KCNIP1: variants seen among roughly 807,000 people sequenced by gnomAD.
The protein encoded by KCNIP1 is A-type potassium channel modulatory protein KCNIP1.
A neutral mutation model predicts 33.0 loss-of-function variants in KCNIP1; 18 were observed. The ratio of observed to expected loss-of-function variants is 0.55; its 90% CI spans 0.38 to 0.81. The LOEUF (loss-of-function observed/expected upper bound fraction) is 0.81. Ranked by LOEUF, KCNIP1 falls within the 30% of genes least tolerant of loss-of-function variation. KCNIP1 has a pLI of 0.00. For missense variants in KCNIP1, 238 were observed against 271.6 expected (o/e 0.88, Z 0.87); for synonymous variants, 93 against 98.3 (o/e 0.95, Z 0.32).
chr5:170,522,546 G>A (rs919461235), intron 1 of KCNIP1, among the ~76,000 whole-genome samples: 1 of 152,244 alleles, frequency 6.6e-6, no homozygotes, highest in Non-Finnish European at 1.5e-5. Context: ...CCCTTTTGCT[G>A]GGTGTGCCAG....
At chr5:170,658,552 A>T (rs1761358572) in intron 1 of KCNIP1, among the ~76,000 whole-genome samples, 1 of 152,216 alleles carries the variant, frequency 6.6e-6, no homozygotes, top group African/African-American at 2.4e-5. Flanking sequence ...CTTTTCCTAG[A>T]GATGGCAGAT....
rs141801851 is a variant in KCNIP1 at position 170,403,669 on chromosome 5, G to A, written c.88+49705G>A. Reference sequence around the variant, plus strand: ...CAAGTGCTCCTCTGGGATGGAAGCCGTGGTCAGCTTATCTCTGAATGTTCA... The same window carrying A: ...CAAGTGCTCCTCTGGGATGGAAGCCATGGTCAGCTTATCTCTGAATGTTCA... On this transcript the variant is annotated intron_variant, in intron 1 of 7. Transcript: ENST00000377360. Among the ~76,000 whole-genome samples the A allele has an allele frequency of 2.4e-4, 37 of 152,336 alleles. No homozygotes were observed. The Middle Eastern group carries it at 0.014, about 56-fold the overall frequency.
intron 1 of KCNIP1, among the ~76,000 whole-genome samples, chr5:170,644,628 C>T (rs1423059881): frequency 1.3e-5 from 2 of 152,216 alleles, no homozygotes; most frequent in Non-Finnish European, 2.9e-5. Context: ...GAGAAGAACT[C>T]AAAATGACTG....
chr5:170,671,952 G>A (rs184373876), intron 1 of KCNIP1, among the ~76,000 whole-genome samples: 9 of 152,374 alleles, frequency 5.9e-5, no homozygotes, highest in Admixed American at 4.6e-4. Context: ...TGACAATACA[G>A]TGTGTCGAGT....
chr5:170,570,986 G>A (rs907348063), intron 1 of KCNIP1, among the ~76,000 whole-genome samples: 4 of 152,172 alleles, frequency 2.6e-5, no homozygotes, highest in Non-Finnish European at 4.4e-5. Flanking sequence ...GATAAGTAGT[G>A]TCCCAAAGCC....
chr5:170,641,432 C>T (rs189848743), intron 1 of KCNIP1, among the ~76,000 whole-genome samples: 37 of 152,326 alleles, frequency 2.4e-4, no homozygotes, highest in South Asian at 6.2e-4. Context: ...GGAAGGTGGC[C>T]GTCATCCCCA....
chr5:170,706,413 T>C (rs329470), intron 1 of KCNIP1, among the ~76,000 whole-genome samples: 97,079 of 151,996 alleles, frequency 0.64, 32,129 homozygotes, highest in East Asian at 0.95. Flanking sequence ...TGAACTGGGC[T>C]GTGAAGGGAA....
At chr5:170,544,963 T>TA (rs1371838464) in intron 1 of KCNIP1, among the ~76,000 whole-genome samples, 2 of 152,242 alleles carry the variant, frequency 1.3e-5, no homozygotes, top group African/African-American at 4.8e-5. Flanking sequence ...CTCTCCTTTG[T>TA]AGTGTTTTTC....
chr5:170,715,676 G>A (rs886243037), intron 1 of KCNIP1, among the ~76,000 whole-genome samples: 8 of 152,172 alleles, frequency 5.3e-5, no homozygotes, highest in Admixed American at 2.0e-4. Flanking sequence ...GCATGAGAAC[G>A]CTGAATGGCT....
intron 1 of KCNIP1, among the ~76,000 whole-genome samples, chr5:170,474,812 A>G (rs1756815357): frequency 1.3e-5 from 2 of 152,226 alleles, no homozygotes; most frequent in Admixed American, 6.5e-5. Flanking sequence ...GGAGTGTGAC[A>G]GCCCTCAAAG....
intron 1 of KCNIP1, among the ~76,000 whole-genome samples, chr5:170,470,477 G>A (rs1405931332): frequency 6.6e-6 from 1 of 152,094 alleles, no homozygotes; most frequent in Non-Finnish European, 1.5e-5. Flanking sequence ...GCACAGTGCA[G>A]CCAAACACTG....
At chr5:170,368,542 T>C (rs1007433480) in intron 1 of KCNIP1, among the ~76,000 whole-genome samples, 2 of 152,202 alleles carry the variant, frequency 1.3e-5, no homozygotes, top group African/African-American at 2.4e-5. Context: ...GCATTACTGT[T>C]GTGAGCCACC....
intron 5 of KCNIP1, among the ~76,000 whole-genome samples, chr5:170,724,521 G>A (rs1425832203): frequency 6.6e-6 from 1 of 152,028 alleles, no homozygotes; most frequent in Non-Finnish European, 1.5e-5. Context: ...GAAACCAAAG[G>A]GATATAGACT....
chr5:170,491,626 G>A (rs1757208785), intron 1 of KCNIP1, among the ~76,000 whole-genome samples: 2 of 152,180 alleles, frequency 1.3e-5, no homozygotes, highest in Admixed American at 1.3e-4. Context: ...GTCATCTTAA[G>A]GGCATTTAGT....
chr5:170,658,461 G>A (rs564331834), intron 1 of KCNIP1, among the ~76,000 whole-genome samples: 8 of 152,144 alleles, frequency 5.3e-5, no homozygotes, highest in South Asian at 2.1e-4. Context: ...GTCCTACCTC[G>A]CAATACTGCC....
At position 170,483,094 on chromosome 5, in the gene KCNIP1, C is replaced by G. The variant is rs144577165; in HGVS notation, c.88+129130C>G. The G allele has an allele frequency of 6.6e-6, 3 of 455,498 alleles. No individual in the cohort carries two copies. The East Asian group carries it at 2.1e-4, about 32-fold the overall frequency. 28.2% of individuals were successfully genotyped at this position (455,498 alleles called of 1,614,324 possible). ...AAAGTGGAACTGGGGCCCGCAGAGC[C>G]GGATAGCTTGGGCAGTACGTGTGTG... On this transcript the variant is annotated intron_variant, in intron 1 of 7. Transcript: ENST00000377360.
chr5:170,442,502 C>T (rs955931555), intron 1 of KCNIP1, among the ~76,000 whole-genome samples: 1 of 152,184 alleles, frequency 6.6e-6, no homozygotes, highest in East Asian at 1.9e-4. Flanking sequence ...TAAGGAGAGA[C>T]AGGGCCTCGT....
intron 1 of KCNIP1, among the ~76,000 whole-genome samples, chr5:170,385,680 C>A (rs7717499): frequency 1.4e-5 from 2 of 142,698 alleles, no homozygotes; most frequent in African/African-American, 5.4e-5. Context: ...AAAAGACCTA[C>A]GGCTCAGAGA....
chr5:170,438,667 G>A (rs1439056895), intron 1 of KCNIP1, among the ~76,000 whole-genome samples: 1 of 152,078 alleles, frequency 6.6e-6, no homozygotes, highest in Non-Finnish European at 1.5e-5. Context: ...GGGGGTGGGA[G>A]GGCTACACGA....
Sources: allele counts gnomAD v4.1 joint callset (sites outside exome capture counted in the v4.1 genomes callset), GRCh38; gene constraint gnomAD v4.1.1; transcripts MANE v1.5; gene names NCBI Gene and HGNC (gene_info 2026-07-23, HGNC 2026-07-21).